The following CXXC4 variants were observed in gnomAD, a reference collection of about 807,000 sequenced individuals.
CXXC4 encodes the protein CXXC finger protein 4, also known as CXXC-type zinc finger protein 4.
Under a neutral mutation model 20.5 loss-of-function variants are expected in CXXC4, and 5 were observed. The observed-to-expected ratio is 0.24, with a 90% CI of 0.13 to 0.51. The LOEUF is 0.51. Among genes scored for constraint, CXXC4 ranks in the 20% least tolerant of loss-of-function variants. CXXC4 has a pLI of 0.97. For synonymous variants in CXXC4, 250 were observed against 216.4 expected (o/e 1.16, Z -1.36); for missense variants, 419 against 496.4 (o/e 0.84, Z 1.48).
At chr4:104,477,656 A>C (rs1415614548) in intron 2 of CXXC4, among the ~76,000 whole-genome samples, 1 of 152,008 alleles carries the variant, frequency 6.6e-6, no homozygotes, top group Non-Finnish European at 1.5e-5. Flanking sequence ...ATATAAGAGA[A>C]CTATTAATGA....
At chr4:104,479,797 C>CCGTCCTT (rs1736508419) in intron 2 of CXXC4, among the ~76,000 whole-genome samples, 1 of 137,474 alleles carries the variant, frequency 7.3e-6, no homozygotes, top group Non-Finnish European at 1.6e-5. Flanking sequence ...CTCTGTTCCT[C>CCGTCCTT]CGTCCTTCCG....
chr4:104,486,001 T>C lies in CXXC4; in HGVS notation c.1059+4743A>G, dbSNP rs1273748916. ...ACACTTTTCAGAAACCTAAAGTTTA[T>C]TTTTTAAATTTGCTCTTATATGCCT... On this transcript the variant is annotated intron_variant, in intron 2 of 2. Coordinates refer to ENST00000394767, the MANE Select transcript of CXXC4 (RefSeq NM_025212.4). Among the ~76,000 whole-genome samples the C allele has an allele frequency of 4.6e-5, 7 of 152,248 alleles. No homozygotes were observed. The South Asian group carries it at 1.5e-3, about 32-fold the overall frequency.
chr4:104,481,448 G>A (rs1394063478), intron 2 of CXXC4, among the ~76,000 whole-genome samples: 1 of 151,850 alleles, frequency 6.6e-6, no homozygotes, highest in Non-Finnish European at 1.5e-5. Context: ...GATGAGAATA[G>A]CTTGAATGCA....
At chr4:104,475,124 C>T (rs1199460319) in intron 2 of CXXC4, 3 of 152,082 alleles carry the variant, frequency 2.0e-5, no homozygotes, top group Admixed American at 6.6e-5. Context: ...ACTATGCATA[C>T]ATTGAGACCA....
rs754040418 is a variant in CXXC4 at position 104,491,082 on chromosome 4, C to A, written c.721G>T (p.Ala241Ser). ...GGAGGTAATGAGATGCCCCCTAAAGCCGGGATAGCGGAAAAAGTCCCCACG... is the reference window on the plus strand; with the variant it reads ...GGAGGTAATGAGATGCCCCCTAAAGACGGGATAGCGGAAAAAGTCCCCACG... ...ERVGTFSAIP[A>S]LGGISLPPGV... Residue 241 changes from alanine to serine, a missense_variant, in exon 2 of 3, where the codon GCT becomes TCT. By Grantham distance (99) the Ala-to-Ser change is moderately conservative. Transcript: ENST00000394767. 6.2e-7 allele frequency: 1 copy of A among 1,614,082 alleles called. No individual in the cohort carries two copies.
intron 2 of CXXC4, among the ~76,000 whole-genome samples, chr4:104,482,547 C>G (rs1301755695): frequency 6.6e-6 from 1 of 152,100 alleles, no homozygotes; most frequent in East Asian, 1.9e-4. Flanking sequence ...AAGATCACCA[C>G]TTATCTAATT....
Position 104,472,201 on chromosome 4 carries a change from T to A in CXXC4, c.*121A>T. The A allele has an allele frequency of 2.0e-6, 1 of 498,780 alleles. No homozygotes were observed. Among genetic ancestry groups the A allele is most frequent in the East Asian group, 3.2e-5 (1 of 31,638 alleles). The allele number at this position is 498,780 out of a possible 1,614,324, so 30.9% of individuals were successfully genotyped here. A position where few individuals can be genotyped will look rare whatever the true frequency, so the allele number is the denominator to read the frequency against. On this transcript the variant is annotated 3_prime_UTR_variant, in exon 3 of 3. Coordinates refer to ENST00000394767, the MANE Select transcript of CXXC4 (RefSeq NM_025212.4). ...TTTTTTTTTTTTGAAGAAAGCCCTATACATAAAATGAAAATAATTTCTGGA... is the reference window on the plus strand; with the variant it reads ...TTTTTTTTTTTTGAAGAAAGCCCTAAACATAAAATGAAAATAATTTCTGGA...
At chr4:104,490,645 G>C in intron 2 of CXXC4, 99 bp downstream of exon 2, 1 of 1,091,170 alleles carries the variant, frequency 9.2e-7, no homozygotes, top group South Asian at 1.5e-5. Flanking sequence ...CTTCTGAGAA[G>C]GGGTACTGCA....
At chr4:104,473,534 T>C (rs1736328964) in intron 2 of CXXC4, among the ~76,000 whole-genome samples, 1 of 151,900 alleles carries the variant, frequency 6.6e-6, no homozygotes. Context: ...TCTAATGATA[T>C]ACATAAAACA....
chr4:104,482,553 T>A (rs1187850012), intron 2 of CXXC4, among the ~76,000 whole-genome samples: 1 of 152,126 alleles, frequency 6.6e-6, no homozygotes, highest in Non-Finnish European at 1.5e-5. Context: ...ACCACTTATC[T>A]AATTTAATCT....
intron 2 of CXXC4, among the ~76,000 whole-genome samples, chr4:104,479,361 A>C (rs546308625): frequency 6.6e-6 from 1 of 152,314 alleles, no homozygotes; most frequent in East Asian, 1.9e-4. Flanking sequence ...TTTAGCCTCC[A>C]TCAGCAAATC....
In CXXC4 at chr4:104,472,194, A is replaced by T. The variant is rs1201155344; in HGVS notation, c.*128T>A. On this transcript the variant is annotated 3_prime_UTR_variant, in exon 3 of 3. Coordinates refer to ENST00000394767, the MANE Select transcript of CXXC4 (RefSeq NM_025212.4). ...CCTCTTTTTTTTTTTTTTTGAAGAA[A>T]GCCCTATACATAAAATGAAAATAAT... 6.5e-6 allele frequency: 3 copies of T among 463,236 alleles called. No individual in the cohort carries two copies. The highest frequency in any genetic ancestry group is 6.0e-4 in the Middle Eastern group (1 of 1,676). 28.7% of individuals were successfully genotyped at this position (463,236 alleles called of 1,614,324 possible). A position where few individuals can be genotyped will look rare whatever the true frequency, so the allele number is the denominator to read the frequency against.
intron 2 of CXXC4, among the ~76,000 whole-genome samples, chr4:104,477,821 C>T (rs11937443): frequency 8.0e-4 from 122 of 151,810 alleles, no homozygotes; most frequent in African/African-American, 2.9e-3. Flanking sequence ...GTAATAAATC[C>T]ATATTATGTC....
chr4:104,472,016 C>T lies in CXXC4; in HGVS notation c.*306G>A. 4.2e-6 allele frequency: 1 copy of T among 237,236 alleles called. No individual in the cohort carries two copies. 14.7% of individuals were successfully genotyped at this position (237,236 alleles called of 1,614,324 possible). A position where few individuals can be genotyped will look rare whatever the true frequency, so the allele number is the denominator to read the frequency against. ...ACATGATTTTACAGCAGGGGTTTAC[C>T]CAAACTTATTTTTTACAGCCACTTT... On this transcript the variant is annotated 3_prime_UTR_variant, in exon 3 of 3. Coordinates refer to ENST00000394767, the MANE Select transcript of CXXC4 (RefSeq NM_025212.4).
chr4:104,469,562 A>C lies in CXXC4; in HGVS notation c.*2760T>G, dbSNP rs1414999593. 1.3e-5 allele frequency: 2 copies of C among 152,084 alleles called. No homozygotes were observed. The highest frequency in any genetic ancestry group is 6.6e-5 in the Admixed American group (1 of 15,232). The allele number at this position is 152,084 out of a possible 1,614,324, so 9.4% of individuals were successfully genotyped here. The stretch of plus-strand genomic sequence containing the variant: ...GGTATTTGAAAATCATGAAAAATGT[A>C]AACTTTCAAATCACTGCCTTAGGTT... On this transcript the variant is annotated 3_prime_UTR_variant, in exon 3 of 3. Coordinates refer to ENST00000394767, the MANE Select transcript of CXXC4 (RefSeq NM_025212.4).
intron 2 of CXXC4, among the ~76,000 whole-genome samples, chr4:104,478,545 T>C (rs560760288): frequency 1.1e-4 from 16 of 152,284 alleles, no homozygotes; most frequent in Admixed American, 9.8e-4. Flanking sequence ...AGTCTCTTGA[T>C]AATGCTATGC....
chr4:104,476,895 G>A (rs908573102), intron 2 of CXXC4, among the ~76,000 whole-genome samples: 4 of 151,998 alleles, frequency 2.6e-5, no homozygotes, highest in Admixed American at 1.3e-4. Context: ...CCATATAATC[G>A]TGAAGCATGC....
intron 2 of CXXC4, among the ~76,000 whole-genome samples, chr4:104,482,239 T>A (rs1736575444): frequency 6.6e-6 from 1 of 152,168 alleles, no homozygotes; most frequent in Non-Finnish European, 1.5e-5. Flanking sequence ...TGCAGTTTGA[T>A]AAACACACCT....
intron 2 of CXXC4, among the ~76,000 whole-genome samples, chr4:104,483,197 A>G (rs774659957): frequency 2.6e-5 from 4 of 151,884 alleles, no homozygotes; most frequent in Non-Finnish European, 2.9e-5. Flanking sequence ...CTGACTCTCA[A>G]ACCAAAAGTA....
Sources: allele counts gnomAD v4.1 joint callset (sites outside exome capture counted in the v4.1 genomes callset), GRCh38; gene constraint gnomAD v4.1.1; transcripts MANE v1.5; gene names NCBI Gene and HGNC (gene_info 2026-07-23, HGNC 2026-07-21).